Variants in MAGI2 observed in about 807,000 individuals in gnomAD.
MAGI2 encodes the protein membrane associated guanylate kinase, WW and PDZ domain containing 2.
Under a neutral mutation model 133.3 loss-of-function variants are expected in MAGI2, and 35 were observed. The ratio of observed to expected loss-of-function variants is 0.26; its 90% confidence interval spans 0.20 to 0.35. MAGI2 has a LOEUF of 0.35. Among genes scored for constraint, MAGI2 ranks in the 10% least tolerant of loss-of-function variants. The pLI, the probability that MAGI2 is intolerant of heterozygous loss-of-function variation, is 1.00. For missense variants in MAGI2, 1,636 were observed against 1,863.4 expected (o/e 0.88, Z 2.25); for synonymous variants, 729 against 710.6 (o/e 1.03, Z -0.41).
intron 2 of MAGI2, among the ~76,000 whole-genome samples, chr7:78,706,926 C>G (rs1818709678): frequency 6.6e-6 from 1 of 152,058 alleles, no homozygotes; most frequent in African/African-American, 2.4e-5. Context: ...AGTCAACAGG[C>G]CTTGGTGTGG....
At chr7:78,658,647 G>T (rs1359202055) in intron 2 of MAGI2, among the ~76,000 whole-genome samples, 1 of 152,056 alleles carries the variant, frequency 6.6e-6, no homozygotes, top group East Asian at 1.9e-4. Context: ...ATAACCCCCT[G>T]GTCAAACGGG....
chr7:79,137,976 C>T (rs949737838), intron 1 of MAGI2, among the ~76,000 whole-genome samples: 1 of 152,102 alleles, frequency 6.6e-6, no homozygotes, highest in Non-Finnish European at 1.5e-5. Context: ...TTACAAGAGA[C>T]AGGTACCAGG....
intron 2 of MAGI2, among the ~76,000 whole-genome samples, chr7:78,689,889 G>A (rs948973387): frequency 1.3e-5 from 2 of 151,852 alleles, no homozygotes; most frequent in African/African-American, 4.8e-5. Context: ...ACTTTCTTAT[G>A]TAAGTCTTAT....
chr7:79,451,385 T>A (rs1849235471), intron 1 of MAGI2, among the ~76,000 whole-genome samples: 1 of 152,210 alleles, frequency 6.6e-6, no homozygotes, highest in South Asian at 2.1e-4. Flanking sequence ...TAAGGTGGTA[T>A]TTTGACATCG....
At position 78,168,090 on chromosome 7, in the gene MAGI2, T is replaced by C; in HGVS notation, c.2422A>G (p.Ile808Val). The C allele has an allele frequency of 6.2e-7, 1 of 1,613,830 alleles. No homozygotes were observed. The highest frequency in any genetic ancestry group is 8.5e-7 in the Non-Finnish European group (1 of 1,179,948). The change falls in exon 15 of 22, where the codon ATT becomes GTT. Residue 808 changes from isoleucine (I) to valine (V), a missense_variant. Transcript: ENST00000354212. Reference sequence around the variant, plus strand: ...TCTCTGTCGGCTGAGCCCATGGCAATGACAGCTCCAATCAAAATCTAGAGA... The same window carrying C: ...TCTCTGTCGGCTGAGCCCATGGCAACGACAGCTCCAATCAAAATCTAGAGA... ...PGQPILIGAVIAMGSADRDGR... is the reference protein window; with the variant it reads ...PGQPILIGAVVAMGSADRDGR...
At chr7:79,327,693 A>T (rs1165145791) in intron 1 of MAGI2, among the ~76,000 whole-genome samples, 1 of 151,902 alleles carries the variant, frequency 6.6e-6, no homozygotes, top group African/African-American at 2.4e-5. Context: ...ACACACACAC[A>T]CTCACTCACA....
intron 2 of MAGI2, among the ~76,000 whole-genome samples, chr7:78,738,410 G>T (rs1352905324): frequency 6.6e-6 from 1 of 151,798 alleles, no homozygotes; most frequent in African/African-American, 2.4e-5. Context: ...TCTAATTTAG[G>T]GTAATTTATG....
chr7:78,979,298 G>A (rs981090687), intron 2 of MAGI2, among the ~76,000 whole-genome samples: 2 of 151,704 alleles, frequency 1.3e-5, no homozygotes, highest in African/African-American at 4.8e-5. Flanking sequence ...AATTATATAA[G>A]ACGAGCTTGG....
chr7:78,172,724 A>G (rs1350103255), intron 14 of MAGI2, among the ~76,000 whole-genome samples: 2 of 152,174 alleles, frequency 1.3e-5, no homozygotes, highest in African/African-American at 2.4e-5. Context: ...GATGTACTTT[A>G]TGAGACCTCC....
Position 79,323,686 on chromosome 7 carries a change from G to A in MAGI2, c.301+129334C>T, listed in dbSNP as rs116554458. On this transcript the variant is annotated intron_variant, in intron 1 of 21. Coordinates refer to ENST00000354212, the MANE Select transcript of MAGI2 (RefSeq NM_012301.4). ...AAACTTTGCATTTTAGAAAACTCACGTAAGCTAGGGTAGGAAAAAGGGGTT... is the reference window on the plus strand; with the variant it reads ...AAACTTTGCATTTTAGAAAACTCACATAAGCTAGGGTAGGAAAAAGGGGTT... Among the ~76,000 whole-genome samples, 388 of 152,286 alleles carry A rather than the reference G, an allele frequency of 2.5e-3. 4 individuals carry two copies. The highest frequency in any genetic ancestry group is 9.0e-3 in the African/African-American group (375 of 41,568).
At chr7:78,477,839 T>A (rs1791937845) in intron 6 of MAGI2, among the ~76,000 whole-genome samples, 1 of 152,000 alleles carries the variant, frequency 6.6e-6, no homozygotes, top group Admixed American at 6.6e-5. Context: ...TTTACTGATA[T>A]GATGTCCTAG....
intron 2 of MAGI2, among the ~76,000 whole-genome samples, chr7:78,761,404 T>C (rs1338419524): frequency 1.3e-5 from 2 of 152,142 alleles, no homozygotes; most frequent in Admixed American, 1.3e-4. Context: ...TGTAATAGTG[T>C]TTCCCAAACA....
chr7:78,479,361 C>T (rs550695655), intron 6 of MAGI2, among the ~76,000 whole-genome samples: 46 of 151,970 alleles, frequency 3.0e-4, no homozygotes, highest in African/African-American at 8.2e-4. Flanking sequence ...TCCTCTTCCC[C>T]GTACCTGCCT....
chr7:78,748,563 G>T (rs142940844), intron 2 of MAGI2, among the ~76,000 whole-genome samples: 1 of 152,096 alleles, frequency 6.6e-6, no homozygotes, highest in Non-Finnish European at 1.5e-5. Flanking sequence ...TAAATCCTAT[G>T]TTATTTGTGT....
At chr7:78,151,338 T>C (rs769627191) in intron 16 of MAGI2, among the ~76,000 whole-genome samples, 31 of 152,114 alleles carry the variant, frequency 2.0e-4, no homozygotes, top group Non-Finnish European at 3.7e-4. Flanking sequence ...TCTGAAGTAA[T>C]ACTTTTTTCT....
chr7:78,883,911 A>T (rs1298180620), intron 2 of MAGI2, among the ~76,000 whole-genome samples: 1 of 152,198 alleles, frequency 6.6e-6, no homozygotes, highest in Non-Finnish European at 1.5e-5. Flanking sequence ...CCTGGACATA[A>T]ACCTAGGAAA....
At chr7:78,419,031 G>A (rs1562967691) in intron 6 of MAGI2, among the ~76,000 whole-genome samples, 1 of 152,172 alleles carries the variant, frequency 6.6e-6, no homozygotes, top group East Asian at 1.9e-4. Context: ...TAGACAGTTA[G>A]GCTATACATA....
chr7:78,826,296 G>A (rs1244692422), intron 2 of MAGI2, among the ~76,000 whole-genome samples: 1 of 147,002 alleles, frequency 6.8e-6, no homozygotes, highest in Non-Finnish European at 1.5e-5. Flanking sequence ...GGAGCTTGCA[G>A]TAAGCCGAGA....
chr7:78,531,215 GT>G (rs373643954), intron 3 of MAGI2, among the ~76,000 whole-genome samples: 7,368 of 135,556 alleles, frequency 0.054, 208 homozygotes, highest in African/African-American at 0.14. Context: ...TATTAATTAA[GT>G]TTTTTTTTTT....
Sources: allele counts gnomAD v4.1 joint callset (sites outside exome capture counted in the v4.1 genomes callset), GRCh38; gene constraint gnomAD v4.1.1; transcripts MANE v1.5; gene names NCBI Gene and HGNC (gene_info 2026-07-23, HGNC 2026-07-21).